The following BBS9 variants were observed in gnomAD, a reference collection of about 807,000 sequenced individuals.
BBS9 encodes the protein Bardet-Biedl syndrome 9, also known as protein PTHB1.
A neutral mutation model predicts 117.7 loss-of-function variants in BBS9; 89 were observed. The ratio of observed to expected loss-of-function variants is 0.76; its 90% CI spans 0.64 to 0.90. The LOEUF (loss-of-function observed/expected upper bound fraction) is 0.90, where lower values mean the gene tolerates loss of function less well. Among genes scored for constraint, BBS9 ranks in the 40% least tolerant of loss-of-function variants. The probability of loss-of-function intolerance (pLI) is 0.00; values close to 1 mark genes in which losing one functional copy is unlikely to be tolerated. For missense variants in BBS9, 982 were observed against 1,042.2 expected (o/e 0.94, Z 0.80); for synonymous variants, 379 against 370.9 (o/e 1.02, Z -0.25).
intron 21 of BBS9, among the ~76,000 whole-genome samples, chr7:33,580,964 A>G (rs1371981851): frequency 6.6e-6 from 1 of 152,128 alleles, no homozygotes; most frequent in African/African-American, 2.4e-5. Flanking sequence ...GTTGTTTTGA[A>G]CATTGGTAAG....
chr7:33,164,490 C>T (rs1584245401), intron 4 of BBS9, among the ~76,000 whole-genome samples: 1 of 152,312 alleles, frequency 6.6e-6, no homozygotes, highest in South Asian at 2.1e-4. Flanking sequence ...TCTCTAAAAA[C>T]TTGCTTTATG....
chr7:33,180,143 C>T (rs73687359), intron 5 of BBS9, among the ~76,000 whole-genome samples: 2,657 of 152,230 alleles, frequency 0.017, 71 homozygotes, highest in African/African-American at 0.061. Context: ...CTGCTCACCC[C>T]GCCACTCTGG....
chr7:33,240,260 CT>C (rs5883390), intron 5 of BBS9, among the ~76,000 whole-genome samples: 94,017 of 139,216 alleles, frequency 0.68, 31,397 homozygotes, highest in Admixed American at 0.75. Context: ...CTTCATTGTT[CT>C]TTTTTTTTTT....
intron 15 of BBS9, among the ~76,000 whole-genome samples, chr7:33,354,848 A>C (rs944830123): frequency 1.3e-5 from 2 of 152,068 alleles, no homozygotes; most frequent in African/African-American, 2.4e-5. Flanking sequence ...ATTGCACCAT[A>C]GTAGTTACGA....
In BBS9 at chr7:33,233,231, CTTTTTGTTTTG is replaced by C. The variant is rs1284646156; in HGVS notation, c.443-23994_443-23984del. On this transcript the variant is annotated intron_variant, in intron 5 of 22. Transcript: ENST00000242067. ...TAATTTATTTTTGTTTTTATTCTCT[CTTTTTGTTTTG>C]TTTTTGTTTTTTCTCTTTTTGTTTG... is the stretch of plus-strand genomic sequence containing the variant. Among the ~76,000 whole-genome samples, 16 of 152,088 alleles carry C rather than the reference CTTTTTGTTTTG, an allele frequency of 1.1e-4. 1 individual carries two copies. In the South Asian group the frequency reaches 3.3e-3, roughly 32 times the overall value.
chr7:33,191,112 G>A (rs1317727293), intron 5 of BBS9, among the ~76,000 whole-genome samples: 1 of 152,158 alleles, frequency 6.6e-6, no homozygotes, highest in Non-Finnish European at 1.5e-5. Context: ...AGAGGACCTA[G>A]AGTGGGGCTT....
chr7:33,621,885 CT>C (rs1403873156), intron 21 of BBS9, among the ~76,000 whole-genome samples: 1 of 152,092 alleles, frequency 6.6e-6, no homozygotes, highest in Non-Finnish European at 1.5e-5. Flanking sequence ...GGACATTATG[CT>C]TTGTGAACTT....
At chr7:33,616,491 G>GTATATATATATATATATATATA (rs1255562311) in intron 21 of BBS9, among the ~76,000 whole-genome samples, 31 of 138,704 alleles carry the variant, frequency 2.2e-4, no homozygotes, top group East Asian at 1.9e-3. Context: ...GTGTGTGTGT[G>GTATATATATATATATATATATA]TGTATATATA....
chr7:33,420,209 G>A (rs944521361), intron 19 of BBS9, among the ~76,000 whole-genome samples: 1 of 152,112 alleles, frequency 6.6e-6, no homozygotes, highest in African/African-American at 2.4e-5. Flanking sequence ...TTATTGAAGT[G>A]CTCTGAACCT....
At chr7:33,386,268 C>T (rs1825988050) in intron 18 of BBS9, among the ~76,000 whole-genome samples, 2 of 151,958 alleles carry the variant, frequency 1.3e-5, no homozygotes, top group Non-Finnish European at 2.9e-5. Flanking sequence ...AATGCATGCA[C>T]TGAAAGGGTA....
chr7:33,166,564 A>G (rs1795723267), intron 4 of BBS9, among the ~76,000 whole-genome samples: 1 of 152,238 alleles, frequency 6.6e-6, no homozygotes, highest in Non-Finnish European at 1.5e-5. Flanking sequence ...AGCCTCAGCA[A>G]TGGCGGATGC....
intron 1 of BBS9, among the ~76,000 whole-genome samples, chr7:33,136,960 G>A (rs953658013): frequency 6.6e-6 from 1 of 152,072 alleles, no homozygotes; most frequent in Non-Finnish European, 1.5e-5. Flanking sequence ...TTTTCTTTGT[G>A]GATAGTTTTT....
At chr7:33,336,408 A>G in intron 9 of BBS9, 33 bp from the exon 10 acceptor site, 1 of 1,583,504 alleles carries the variant, frequency 6.3e-7, no homozygotes, top group South Asian at 1.1e-5. Context: ...CTGAAATTTA[A>G]AATTATGTCT....
chr7:33,336,862 C>T (rs1048525283), intron 10 of BBS9, among the ~76,000 whole-genome samples: 5 of 152,134 alleles, frequency 3.3e-5, no homozygotes, highest in Non-Finnish European at 4.4e-5. Flanking sequence ...TCATGGACAG[C>T]ACTATCTAGT....
intron 5 of BBS9, among the ~76,000 whole-genome samples, chr7:33,239,094 GCTGTGTGTAATAT>G (rs989010873): frequency 2.6e-5 from 4 of 152,056 alleles, no homozygotes; most frequent in African/African-American, 9.7e-5. Flanking sequence ...GTTTTCATTA[GCTGTGTGTAATAT>G]CTGTGCCAAT....
rs192635288 is a variant in BBS9 at position 33,602,972 on chromosome 7, A to G, written c.2522-1893A>G. The stretch of plus-strand genomic sequence containing the variant: ...GCAACTGGCTTTTCCTTTTGAGCCC[A>G]CGTGATAGAGAACTAGGAAGTCTTC... On this transcript the variant is annotated intron_variant, in intron 21 of 22. Transcript: ENST00000242067. Among the ~76,000 whole-genome samples the G allele has an allele frequency of 5.3e-3, 812 of 152,346 alleles. 4 individuals carry two copies. The highest frequency in any genetic ancestry group is 7.6e-3 in the Non-Finnish European group (516 of 68,030).
In BBS9 at chr7:33,253,688, G is replaced by T. The variant is rs562201341; in HGVS notation, c.443-3548G>T. On this transcript the variant is annotated intron_variant, in intron 5 of 22. Transcript: ENST00000242067. ...AAAGGAGTCTAGGGCTGATAGAGAG[G>T]CTCTGCTGTCCACAATACGTGACTT... Among the ~76,000 whole-genome samples the T allele has an allele frequency of 7.2e-5, 11 of 152,270 alleles. No individual in the cohort carries two copies. In the South Asian group the frequency reaches 2.3e-3, roughly 32 times the overall value.
At chr7:33,419,491 C>T (rs1218059175) in intron 19 of BBS9, among the ~76,000 whole-genome samples, 1 of 152,056 alleles carries the variant, frequency 6.6e-6, no homozygotes, top group Non-Finnish European at 1.5e-5. Context: ...TAATTACATT[C>T]ATTGTCACCT....
rs545820008 is a variant in BBS9 at position 33,503,089 on chromosome 7, G to A, written c.2116-2374G>A. On this transcript the variant is annotated intron_variant, in intron 19 of 22. Transcript: ENST00000242067. ...TCGTTACATTAATTCAGTTTTAAAT[G>A]CAAGTATGAGCATTTAACTCATGAG... Among the ~76,000 whole-genome samples the A allele has an allele frequency of 2.6e-5, 4 of 152,222 alleles. No homozygotes were observed. The South Asian group carries it at 8.3e-4, about 32-fold the overall frequency.
Sources: gnomAD v4.1 joint callset for allele counts (sites outside exome capture counted in the v4.1 genomes callset) on GRCh38, gnomAD v4.1.1 for gene constraint, MANE v1.5 for transcripts, NCBI Gene and HGNC (gene_info 2026-07-23, HGNC 2026-07-21) for gene names.